The following SCAPER variants were observed in gnomAD, a reference collection of about 807,000 sequenced individuals.
The protein encoded by SCAPER is S-phase cyclin A associated protein in the ER.
A neutral mutation model predicts 182.2 loss-of-function variants in SCAPER; 98 were observed. The ratio of observed to expected loss-of-function variants is 0.54; its 90% CI spans 0.46 to 0.64. The LOEUF is 0.64. Ranked by LOEUF, SCAPER falls within the 30% of genes least tolerant of loss-of-function variation. The pLI is 0.00. For missense variants in SCAPER, 1,432 were observed against 1,690.0 expected (o/e 0.85, Z 2.68); for synonymous variants, 605 against 564.6 (o/e 1.07, Z -1.01).
At position 76,890,390 on chromosome 15, in the gene SCAPER, G is replaced by T. The variant is rs188498763; in HGVS notation, c.-59-6514C>A. ...AAATGAATCCAGGAGCTGTTTTTTT[G>T]AAAAGATCAACAAAATTGATAGACT... On this transcript the variant is annotated intron_variant, in intron 1 of 31. Transcript: ENST00000563290. 8.1e-3 allele frequency among the ~76,000 whole-genome samples: 1,231 copies of T among 152,066 alleles called. 13 individuals carry two copies. Among genetic ancestry groups the T allele is most frequent in the African/African-American group, 0.028 (1,167 of 41,516 alleles).
chr15:76,885,422 C>T (rs958905717), intron 1 of SCAPER, among the ~76,000 whole-genome samples: 7 of 152,348 alleles, frequency 4.6e-5, no homozygotes, highest in Admixed American at 1.3e-4. Context: ...CCATGTGGAA[C>T]ACTCCCAATT....
At chr15:76,655,602 ACAAT>A (rs2055565280) in intron 21 of SCAPER, among the ~76,000 whole-genome samples, 2 of 152,232 alleles carry the variant, frequency 1.3e-5, no homozygotes, top group Admixed American at 1.3e-4. Flanking sequence ...CAGACTCTCC[ACAAT>A]CAAAGTGAAA....
At chr15:76,571,854 C>A (rs991924508) in intron 23 of SCAPER, among the ~76,000 whole-genome samples, 1 of 152,138 alleles carries the variant, frequency 6.6e-6, no homozygotes, top group Non-Finnish European at 1.5e-5. Flanking sequence ...TCATAAATAT[C>A]ATCAGCTGAA....
At chr15:76,678,133 C>T (rs2057472528) in intron 20 of SCAPER, among the ~76,000 whole-genome samples, 2 of 150,118 alleles carry the variant, frequency 1.3e-5, no homozygotes, top group African/African-American at 5.0e-5. Flanking sequence ...TAAATGTACA[C>T]TTTGAAAAAA....
At chr15:76,785,188 A>T (rs2064488515) in intron 8 of SCAPER, among the ~76,000 whole-genome samples, 1 of 151,968 alleles carries the variant, frequency 6.6e-6, no homozygotes, top group African/African-American at 2.4e-5. Flanking sequence ...TTACAAGAAA[A>T]AAACAACCCC....
intron 21 of SCAPER, among the ~76,000 whole-genome samples, chr15:76,661,134 C>T (rs1289266487): frequency 6.6e-6 from 1 of 152,034 alleles, no homozygotes; most frequent in African/African-American, 2.4e-5. Context: ...AGCTTCAATG[C>T]AATCCTAATC....
intron 22 of SCAPER, among the ~76,000 whole-genome samples, chr15:76,590,364 A>T (rs866021522): frequency 1.3e-5 from 2 of 152,182 alleles, no homozygotes; most frequent in African/African-American, 2.4e-5. Context: ...TTTCAATAGC[A>T]TCCTATTTAA....
intron 29 of SCAPER, among the ~76,000 whole-genome samples, chr15:76,369,341 T>C (rs973012517): frequency 6.6e-6 from 1 of 152,218 alleles, no homozygotes; most frequent in East Asian, 1.9e-4. Context: ...ATTAAATGAA[T>C]TGAGCATCTA....
chr15:76,466,501 C>CATA (rs1218196399), intron 25 of SCAPER, among the ~76,000 whole-genome samples: 3 of 133,076 alleles, frequency 2.3e-5, no homozygotes, highest in African/African-American at 8.2e-5. Context: ...ACCTTGAGCT[C>CATA]ATACAGCATC....
At chr15:76,724,703 T>C (rs1273296167) in intron 17 of SCAPER, among the ~76,000 whole-genome samples, 2 of 152,196 alleles carry the variant, frequency 1.3e-5, no homozygotes, top group Admixed American at 1.3e-4. Context: ...TACCCTTTCT[T>C]CCCGTTGATC....
chr15:76,875,561 T>G (rs1050384136), intron 2 of SCAPER, among the ~76,000 whole-genome samples: 2 of 152,192 alleles, frequency 1.3e-5, no homozygotes, highest in Non-Finnish European at 2.9e-5. Context: ...GAGAATCACT[T>G]GAACCTGGGA....
intron 1 of SCAPER, among the ~76,000 whole-genome samples, chr15:76,896,104 T>A (rs549016609): frequency 1.3e-5 from 2 of 151,378 alleles, no homozygotes; most frequent in Admixed American, 1.3e-4. Context: ...CCACAGTGGC[T>A]CACACCTGTA....
At position 76,351,229 on chromosome 15, in the gene SCAPER, A is replaced by T. The variant is rs1462641712; in HGVS notation, c.4099+8T>A. 3.1e-6 allele frequency: 5 copies of T among 1,607,368 alleles called. No homozygotes were observed. Among genetic ancestry groups the T allele is most frequent in the Non-Finnish European group, 4.2e-6 (5 of 1,176,628 alleles). ...AACACATGAAATTTAATTTCAATAG[A>T]GACATACCTTTGGGTTGGTAAGGCT... On this transcript the variant is annotated splice_region_variant and intron_variant, in intron 31 of 31. Coordinates refer to ENST00000563290, the MANE Select transcript of SCAPER (RefSeq NM_020843.4).
intron 21 of SCAPER, among the ~76,000 whole-genome samples, chr15:76,656,863 A>G (rs2055683353): frequency 6.6e-6 from 1 of 152,210 alleles, no homozygotes; most frequent in African/African-American, 2.4e-5. Context: ...AAAAAAAGAT[A>G]TGACATACCA....
intron 31 of SCAPER, chr15:76,348,954 G>A: frequency 2.7e-6 from 1 of 367,766 alleles, no homozygotes; most frequent in Admixed American, 4.3e-5. Context: ...AATCCAGTTT[G>A]TCCTTTAACA....
chr15:76,758,227 T>C (rs1367604777), intron 14 of SCAPER, among the ~76,000 whole-genome samples: 1 of 152,188 alleles, frequency 6.6e-6, no homozygotes, highest in African/African-American at 2.4e-5. Context: ...GATTTTATGT[T>C]TAAGCCTTTA....
chr15:76,406,052 A>G (rs980480802), intron 26 of SCAPER, among the ~76,000 whole-genome samples: 2 of 152,130 alleles, frequency 1.3e-5, no homozygotes, highest in African/African-American at 4.8e-5. Flanking sequence ...CGACCACCAG[A>G]CCTCTTCTAG....
At chr15:76,438,327 G>A (rs1208320384) in intron 25 of SCAPER, among the ~76,000 whole-genome samples, 2 of 151,582 alleles carry the variant, frequency 1.3e-5, no homozygotes, top group African/African-American at 4.8e-5. Flanking sequence ...GGGCTGTTGG[G>A]ATAATTCTGG....
chr15:76,552,011 C>T (rs891923677), intron 23 of SCAPER, among the ~76,000 whole-genome samples: 1 of 151,952 alleles, frequency 6.6e-6, no homozygotes, highest in Non-Finnish European at 1.5e-5. Context: ...GGAAGCTGGG[C>T]ATGGTGGCTC....
Sources: gnomAD v4.1 joint callset for allele counts (sites outside exome capture counted in the v4.1 genomes callset) on GRCh38, gnomAD v4.1.1 for gene constraint, MANE v1.5 for transcripts, NCBI Gene and HGNC (gene_info 2026-07-23, HGNC 2026-07-21) for gene names.